The following VPS13B variants were observed in gnomAD, a reference collection of about 807,000 sequenced individuals.
The protein encoded by VPS13B is intermembrane lipid transfer protein VPS13B.
VPS13B carries 285 observed loss-of-function variants against 426.4 expected under a neutral mutation model. That is an observed-to-expected ratio of 0.67 (90% confidence interval 0.61 to 0.74). VPS13B has a LOEUF of 0.74. Ranked by LOEUF, VPS13B falls within the 30% of genes least tolerant of loss-of-function variation. VPS13B has a pLI of 0.00. For synonymous variants in VPS13B, 1,676 were observed against 1,676.4 expected, an observed-to-expected ratio of 1.00 and a Z score of 0.01; for missense variants, 4,537 against 4,782.6, an observed-to-expected ratio of 0.95 and a Z score of 1.51.
At chr8:99,488,593 A>G (rs909612610) in intron 25 of VPS13B, among the ~76,000 whole-genome samples, 1 of 152,158 alleles carries the variant, frequency 6.6e-6, no homozygotes, top group African/African-American at 2.4e-5. Flanking sequence ...ATTTTCGAAA[A>G]AGATTGTCAG....
Position 99,301,147 on chromosome 8 carries a change from C to T in VPS13B, c.2824+25893C>T, listed in dbSNP as rs180933466. On this transcript the variant is annotated intron_variant, in intron 19 of 61. Coordinates refer to ENST00000357162, the MANE Select transcript of VPS13B (RefSeq NM_152564.5). ...GAAGGATCACTTGAGCCTGAGAGGTCGAGGCTGCAGTGAGCCATGAGCATG... is the reference window on the plus strand; with the variant it reads ...GAAGGATCACTTGAGCCTGAGAGGTTGAGGCTGCAGTGAGCCATGAGCATG... Among the ~76,000 whole-genome samples, 406 of 151,714 alleles carry T rather than the reference C, an allele frequency of 2.7e-3. 10 individuals carry two copies. Among genetic ancestry groups the T allele is most frequent in the Admixed American group, 0.021 (326 of 15,246 alleles).
chr8:99,594,491 A>G (rs1826890113), intron 33 of VPS13B, among the ~76,000 whole-genome samples: 1 of 151,854 alleles, frequency 6.6e-6, no homozygotes, highest in Non-Finnish European at 1.5e-5. Context: ...GTTAATTTTC[A>G]TCTCTTTTTC....
At chr8:99,669,220 T>C (rs1459733272) in intron 35 of VPS13B, among the ~76,000 whole-genome samples, 3 of 152,086 alleles carry the variant, frequency 2.0e-5, no homozygotes, top group Non-Finnish European at 2.9e-5. Context: ...CTTGATCCCA[T>C]TTTAAAAGTT....
At chr8:99,538,350 G>C (rs1823371561) in intron 30 of VPS13B, among the ~76,000 whole-genome samples, 1 of 151,990 alleles carries the variant, frequency 6.6e-6, no homozygotes, top group African/African-American at 2.4e-5. Context: ...TGTAAAAGTA[G>C]GTTCTTTATT....
intron 3 of VPS13B, among the ~76,000 whole-genome samples, chr8:99,050,303 A>T (rs4734421): frequency 7.9e-5 from 12 of 151,812 alleles, no homozygotes; most frequent in South Asian, 2.1e-4. Flanking sequence ...TTTGTCCTTG[A>T]GATAGTTTGC....
In VPS13B at chr8:99,337,050, A is replaced by C. The variant is rs544054520; in HGVS notation, c.2825-47158A>C. On this transcript the variant is annotated intron_variant, in intron 19 of 61. Transcript: ENST00000357162. ...AGGATTATAAATCATGCTGCTATAGAGACACATGCACACGTATGTTTATTG... is the reference window on the plus strand; with the variant it reads ...AGGATTATAAATCATGCTGCTATAGCGACACATGCACACGTATGTTTATTG... Among the ~76,000 whole-genome samples, 415 of 152,268 alleles carry C rather than the reference A, an allele frequency of 2.7e-3. 2 individuals are homozygous for C. Among genetic ancestry groups the C allele is most frequent in the Non-Finnish European group, 3.8e-3 (261 of 68,016 alleles).
chr8:99,288,672 A>T (rs567324542), intron 19 of VPS13B, among the ~76,000 whole-genome samples: 2 of 152,206 alleles, frequency 1.3e-5, no homozygotes, highest in South Asian at 4.1e-4. Context: ...TGACTAAAAT[A>T]TTTAAAATAA....
intron 33 of VPS13B, among the ~76,000 whole-genome samples, chr8:99,589,713 A>G (rs530309265): frequency 6.6e-6 from 1 of 152,298 alleles, no homozygotes; most frequent in East Asian, 1.9e-4. Flanking sequence ...TCCTTTGGGT[A>G]TATACCCAGT....
intron 35 of VPS13B, among the ~76,000 whole-genome samples, chr8:99,679,385 T>G (rs1433277312): frequency 6.6e-6 from 1 of 152,218 alleles, no homozygotes; most frequent in African/African-American, 2.4e-5. Context: ...CTTATTTTGA[T>G]GAGTTTAGTT....
At chr8:99,708,006 TAAC>T (rs1030029662) in intron 36 of VPS13B, among the ~76,000 whole-genome samples, 2 of 152,188 alleles carry the variant, frequency 1.3e-5, no homozygotes, top group African/African-American at 4.8e-5. Context: ...CCATGTAACT[TAAC>T]TTTTTTAAAA....
intron 39 of VPS13B, among the ~76,000 whole-genome samples, chr8:99,726,307 C>A (rs953783269): frequency 2.6e-5 from 4 of 152,144 alleles, no homozygotes; most frequent in Admixed American, 2.6e-4. Context: ...AAATTAGCAT[C>A]TGTTAGATAA....
At chr8:99,132,609 C>T (rs968357649) in intron 8 of VPS13B, among the ~76,000 whole-genome samples, 2 of 152,232 alleles carry the variant, frequency 1.3e-5, no homozygotes, top group Admixed American at 1.3e-4. Context: ...TCAGAGGAAT[C>T]ACTATCTATG....
At chr8:99,102,299 C>T (rs1477316758) in intron 4 of VPS13B, among the ~76,000 whole-genome samples, 3 of 151,618 alleles carry the variant, frequency 2.0e-5, no homozygotes, top group Middle Eastern at 3.4e-3. Flanking sequence ...TTTCATTTTT[C>T]TGTCTTCTTC....
intron 39 of VPS13B, among the ~76,000 whole-genome samples, chr8:99,741,630 G>A (rs921763337): frequency 5.3e-5 from 8 of 152,218 alleles, no homozygotes; most frequent in Non-Finnish European, 8.8e-5. Flanking sequence ...CTGTCTCTCA[G>A]ACCACAGTGC....
intron 30 of VPS13B, among the ~76,000 whole-genome samples, chr8:99,523,100 A>G (rs193206019): frequency 6.6e-6 from 1 of 152,338 alleles, no homozygotes; most frequent in East Asian, 1.9e-4. Context: ...AGAGAGACAG[A>G]AAGTATATTA....
rs1817663198 is a variant in VPS13B at position 99,875,588 on chromosome 8, T to C, written c.11916T>C (p.Val3972=). The C allele has an allele frequency of 6.2e-7, 1 of 1,614,096 alleles. No homozygotes were observed. The highest frequency in any genetic ancestry group is 8.5e-7 in the Non-Finnish European group (1 of 1,180,038). ...CTGTTAAAACATACCATTACCTGGT[T>C]GATCCACATTTTGCTCAGGTCTTCC... is the stretch of plus-strand genomic sequence containing the variant. ...PSTVKTYHYL[V]DPHFAQVFLS... Residue 3972 remains valine (V), a synonymous_variant, in exon 62 of 62, where the codon GTT becomes GTC. Transcript: ENST00000357162.
intron 19 of VPS13B, among the ~76,000 whole-genome samples, chr8:99,354,370 G>A (rs569254330): frequency 1.2e-4 from 16 of 138,752 alleles, no homozygotes; most frequent in African/African-American, 3.3e-4. Context: ...AAAGAAATGG[G>A]AAACTTAAAA....
At chr8:99,209,304 C>CA (rs1246320204) in intron 17 of VPS13B, among the ~76,000 whole-genome samples, 1 of 148,604 alleles carries the variant, frequency 6.7e-6, no homozygotes, top group African/African-American at 2.5e-5. Context: ...AAACAAAAAA[C>CA]AAAACCGAAA....
At chr8:99,549,446 T>G (rs1275821012) in intron 30 of VPS13B, among the ~76,000 whole-genome samples, 1 of 152,152 alleles carries the variant, frequency 6.6e-6, no homozygotes, top group African/African-American at 2.4e-5. Flanking sequence ...GTAGGGTTTT[T>G]TTTCCTGACA....
Sources: gnomAD v4.1 joint callset for allele counts (sites outside exome capture counted in the v4.1 genomes callset) on GRCh38, gnomAD v4.1.1 for gene constraint, MANE v1.5 for transcripts, NCBI Gene and HGNC (gene_info 2026-07-23, HGNC 2026-07-21) for gene names.